Variants in TMEM108 observed in about 807,000 individuals in gnomAD.
TMEM108 encodes cancer/testis antigen 124.
A neutral mutation model predicts 35.1 loss-of-function variants in TMEM108; 12 were observed. The observed-to-expected ratio is 0.34, with a 90% CI of 0.22 to 0.55. The LOEUF (loss-of-function observed/expected upper bound fraction) is 0.55. Among genes scored for constraint, TMEM108 ranks in the 20% least tolerant of loss-of-function variants. The pLI, the probability that TMEM108 is intolerant of heterozygous loss-of-function variation, is 0.89. For missense variants in TMEM108, 680 were observed against 753.3 expected, an observed-to-expected ratio of 0.90 and a Z score of 1.14; for synonymous variants, 287 against 308.6, an observed-to-expected ratio of 0.93 and a Z score of 0.73.
chr3:133,307,066 A>G (rs2071052939), intron 3 of TMEM108, among the ~76,000 whole-genome samples: 1 of 152,134 alleles, frequency 6.6e-6, no homozygotes, highest in South Asian at 2.1e-4. Flanking sequence ...TTGCCATTCT[A>G]ACTGGCGTGA....
intron 3 of TMEM108, among the ~76,000 whole-genome samples, chr3:133,237,708 G>C: frequency 6.6e-6 from 1 of 152,094 alleles, no homozygotes; most frequent in East Asian, 1.9e-4. Context: ...TGCAGAAGCT[G>C]ATAAGAGAAC....
intron 2 of TMEM108, among the ~76,000 whole-genome samples, chr3:133,207,301 C>T (rs1441053638): frequency 6.8e-6 from 1 of 148,140 alleles, no homozygotes; most frequent in Non-Finnish European, 1.5e-5. Context: ...GCTTGCCTTC[C>T]ATGGGCTGAA....
intron 3 of TMEM108, among the ~76,000 whole-genome samples, chr3:133,326,244 A>C (rs1168242160): frequency 6.6e-6 from 1 of 152,148 alleles, no homozygotes; most frequent in Non-Finnish European, 1.5e-5. Flanking sequence ...GTCAAAACAC[A>C]TGTACTAGTG....
chr3:133,394,202 A>G (rs1412702575), intron 5 of TMEM108, among the ~76,000 whole-genome samples: 2 of 152,192 alleles, frequency 1.3e-5, no homozygotes, highest in African/African-American at 2.4e-5. Context: ...ATATTCCACC[A>G]TGTTCCACAT....
intron 3 of TMEM108, among the ~76,000 whole-genome samples, chr3:133,238,812 A>G (rs1263605134): frequency 6.6e-6 from 1 of 152,220 alleles, no homozygotes; most frequent in African/African-American, 2.4e-5. Flanking sequence ...GTCCAAACAA[A>G]TTTTGACTCC....
intron 2 of TMEM108, among the ~76,000 whole-genome samples, chr3:133,050,774 C>T (rs965968631): frequency 3.3e-5 from 5 of 151,432 alleles, no homozygotes; most frequent in Non-Finnish European, 7.4e-5. Flanking sequence ...GTAGCCTTTT[C>T]AGATTGGCTT....
At chr3:133,303,538 C>A (rs1947260865) in intron 3 of TMEM108, among the ~76,000 whole-genome samples, 2 of 152,092 alleles carry the variant, frequency 1.3e-5, no homozygotes, top group Admixed American at 1.3e-4. Flanking sequence ...TGTCCCCCTT[C>A]TAAAGTAAAA....
At chr3:133,225,563 C>CTGGAT (rs1228788086) in intron 2 of TMEM108, among the ~76,000 whole-genome samples, 1 of 152,118 alleles carries the variant, frequency 6.6e-6, no homozygotes, top group Non-Finnish European at 1.5e-5. Flanking sequence ...CTCACCCTAG[C>CTGGAT]TGGATTTTGA....
At chr3:133,284,140 T>C (rs925448313) in intron 3 of TMEM108, among the ~76,000 whole-genome samples, 2 of 152,194 alleles carry the variant, frequency 1.3e-5, no homozygotes, top group Non-Finnish European at 2.9e-5. Flanking sequence ...TCCTTCTGTT[T>C]GGGCTCCTCT....
intron 2 of TMEM108, among the ~76,000 whole-genome samples, chr3:133,064,220 A>G (rs1164788496): frequency 6.6e-6 from 1 of 152,186 alleles, no homozygotes; most frequent in Non-Finnish European, 1.5e-5. Flanking sequence ...ATTCAGTTCT[A>G]TCTTCTGGTC....
At chr3:133,386,704 G>A in intron 4 of TMEM108, 2 of 1,380,452 alleles carry the variant, frequency 1.4e-6, no homozygotes, top group Non-Finnish European at 1.9e-6. Context: ...AAAGGGAACA[G>A]TTAACATCTT....
intron 2 of TMEM108, among the ~76,000 whole-genome samples, chr3:133,071,300 C>A (rs1289996725): frequency 2.6e-5 from 4 of 151,968 alleles, no homozygotes; most frequent in Non-Finnish European, 4.4e-5. Context: ...TCTTCTGAGC[C>A]CTCTCTCCTC....
chr3:133,316,261 G>A (rs2071197460), intron 3 of TMEM108, among the ~76,000 whole-genome samples: 1 of 152,172 alleles, frequency 6.6e-6, no homozygotes, highest in Admixed American at 6.5e-5. Context: ...CCTTTAAGTG[G>A]TGAGACTATG....
intron 1 of TMEM108, chr3:133,041,806 G>T (rs375072037): frequency 6.6e-6 from 1 of 152,170 alleles, no homozygotes; most frequent in Non-Finnish European, 1.5e-5. Flanking sequence ...TACACACATG[G>T]ATGGGACTAT....
chr3:133,240,134 T>G (rs78468892), intron 3 of TMEM108, among the ~76,000 whole-genome samples: 1,834 of 152,326 alleles, frequency 0.012, 43 homozygotes, highest in African/African-American at 0.04. Context: ...GTAATTCTTT[T>G]GCAAATCAAA....
rs188397588 is a variant in TMEM108, at chr3:133,221,028, G to T, written c.-46-8238G>T. Among the ~76,000 whole-genome samples, 6 of 152,332 alleles carry T rather than the reference G, an allele frequency of 3.9e-5. No individual in the cohort carries two copies. In the East Asian group the frequency reaches 1.2e-3, roughly 29 times the overall value. ...GTCTAGAACAGTCCCAAGCATAGGA[G>T]CTTCTGTCCCTGTGGAGTTGGGGTA... On this transcript the variant is annotated intron_variant, in intron 2 of 5. Transcript: ENST00000321871.
At chr3:133,174,536 C>T (rs1030031970) in intron 2 of TMEM108, among the ~76,000 whole-genome samples, 3 of 152,224 alleles carry the variant, frequency 2.0e-5, no homozygotes, top group African/African-American at 7.2e-5. Flanking sequence ...CGCTGTTGTG[C>T]AGCCTCCGCT....
chr3:133,184,014 C>T (rs1477813294), intron 2 of TMEM108, among the ~76,000 whole-genome samples: 1 of 152,136 alleles, frequency 6.6e-6, no homozygotes, highest in Non-Finnish European at 1.5e-5. Flanking sequence ...TTACTGCAGG[C>T]CAGTGGATGC....
intron 2 of TMEM108, among the ~76,000 whole-genome samples, chr3:133,094,233 AC>A (rs1414247366): frequency 8.6e-5 from 2 of 23,328 alleles, no homozygotes; most frequent in Non-Finnish European, 2.0e-4. Flanking sequence ...CCCACCCCCC[AC>A]CCCCCCCACA....
Sources: gnomAD v4.1 joint callset for allele counts (sites outside exome capture counted in the v4.1 genomes callset) on GRCh38, gnomAD v4.1.1 for gene constraint, MANE v1.5 for transcripts, NCBI Gene and HGNC (gene_info 2026-07-23, HGNC 2026-07-21) for gene names.